CD1D: variants seen among roughly 807,000 people sequenced by gnomAD.
The protein encoded by CD1D is antigen-presenting glycoprotein CD1d.
In CD1D, 40 loss-of-function variants were observed where a neutral mutation model predicts 42.1. That is an observed-to-expected ratio of 0.95 (90% confidence interval 0.74 to 1.24). The LOEUF is 1.24. CD1D is among the 50% of genes most tolerant of loss of function. The pLI, the probability that CD1D is intolerant of heterozygous loss-of-function variation, is 0.00. For synonymous variants in CD1D, 178 were observed against 171.8 expected (o/e 1.04, Z -0.28); for missense variants, 437 against 416.5 (o/e 1.05, Z -0.43).
Position 158,184,048 on chromosome 1 carries a change from T to A in CD1D, c.986+13T>A. 6.2e-7 allele frequency: 1 copy of A among 1,613,748 alleles called. No individual in the cohort carries two copies. On this transcript the variant is annotated intron_variant, in intron 5 of 5. Transcript: ENST00000674085. ...TTAAGAGGCAAACGTAAGTCTCCCCTTTCCCTTTCCTCAACCTCTCTCCCC... is the reference window on the plus strand; with the variant it reads ...TTAAGAGGCAAACGTAAGTCTCCCCATTCCCTTTCCTCAACCTCTCTCCCC...
In CD1D at chr1:158,182,063, T is replaced by C; in HGVS notation, c.360T>C (p.Cys120=). The change falls in exon 3 of 6, where the codon TGT becomes TGC. Residue 120 remains cysteine (C), a synonymous_variant. Coordinates refer to ENST00000674085, the MANE Select transcript of CD1D (RefSeq NM_001371762.2). ...YPLELQVSAG[C]EVHPGNASNN... is the part of the protein sequence containing the mutation. ...TGGAGCTCCAGGTGTCCGCTGGCTGTGAGGTGCACCCTGGGAACGCCTCAA... is the reference window on the plus strand; with the variant it reads ...TGGAGCTCCAGGTGTCCGCTGGCTGCGAGGTGCACCCTGGGAACGCCTCAA... The C allele has an allele frequency of 6.2e-7, 1 of 1,612,536 alleles. No individual in the cohort carries two copies. The highest frequency in any genetic ancestry group is 1.3e-5 in the African/African-American group (1 of 74,992).
upstream of CD1D, among the ~76,000 whole-genome samples, chr1:158,180,518 T>C: frequency 6.6e-6 from 1 of 152,214 alleles, no homozygotes. Context: ...GCCAACCTAA[T>C]CCAGTTCTCT....
intron 3 of CD1D, chr1:158,182,521 G>T: frequency 1.6e-6 from 1 of 622,794 alleles, no homozygotes; most frequent in Non-Finnish European, 2.8e-6. Context: ...GGGGTGAAAG[G>T]TGTCAGGCAG....
Position 158,182,889 on chromosome 1 carries a change from G to T in CD1D, c.619G>T (p.Ala207Ser), listed in dbSNP as rs756299315. 1 of 1,608,326 alleles carries T rather than the reference G, an allele frequency of 6.2e-7. No individual in the cohort carries two copies. Among genetic ancestry groups the T allele is most frequent in the South Asian group, 1.1e-5 (1 of 90,146 alleles). Residue 207 changes from alanine (A) to serine (S), a missense_variant, in exon 4 of 6, where the codon GCC becomes TCC. By Grantham distance (99) the Ala-to-Ser change is moderately conservative. Transcript: ENST00000674085. ...SELKKQVKPK[A>S]WLSRGPSPGP... ...CTTGTTGGATACAGTGAAGCCCAAG[G>T]CCTGGCTGTCCCGTGGCCCCAGTCC...
chr1:158,180,846 C>A (rs1648356273), upstream of CD1D: 4 of 423,462 alleles, frequency 9.4e-6, no homozygotes, highest in Non-Finnish European at 1.7e-5. Flanking sequence ...GTTGTGAAAC[C>A]TACTGAAGTG....
chr1:158,183,533 G>A (rs548572544), intron 4 of CD1D, among the ~76,000 whole-genome samples: 2 of 152,294 alleles, frequency 1.3e-5, no homozygotes, highest in East Asian at 3.9e-4. Context: ...AGGGGCCAAT[G>A]AATCTGCATA....
chr1:158,179,269 G>A (rs1648287046), upstream of CD1D, among the ~76,000 whole-genome samples: 1 of 151,966 alleles, frequency 6.6e-6, no homozygotes, highest in Non-Finnish European at 1.5e-5. Context: ...CACCTTATTT[G>A]TTACAAGAAC....
rs1338597965 is a variant in CD1D at position 158,182,045 on chromosome 1, C to T, written c.342C>T (p.Leu114=). The T allele has an allele frequency of 1.9e-6, 3 of 1,608,458 alleles. No individual in the cohort carries two copies. Among genetic ancestry groups the T allele is most frequent in the South Asian group, 2.2e-5 (2 of 90,490 alleles). ...TCCTCTCCACAGATCCCTTGGAGCT[C>T]CAGGTGTCCGCTGGCTGTGAGGTGC... is the stretch of plus-strand genomic sequence containing the variant. The part of the protein sequence containing the change: ...KMLRLSYPLE[L]QVSAGCEVHP... Residue 114 remains leucine (L), a synonymous_variant, in exon 3 of 6, where the codon CTC becomes CTT. Coordinates refer to ENST00000674085, the MANE Select transcript of CD1D (RefSeq NM_001371762.2).
At position 158,182,036 on chromosome 1, in the gene CD1D, C is replaced by G; in HGVS notation, c.333C>G (p.Pro111=). 1 of 1,605,294 alleles carries G rather than the reference C, an allele frequency of 6.2e-7. No homozygotes were observed. The highest frequency in any genetic ancestry group is 1.1e-5 in the South Asian group (1 of 89,974). ...TTTCTCCATTCCTCTCCACAGATCCCTTGGAGCTCCAGGTGTCCGCTGGCT... is the reference window on the plus strand; with the variant it reads ...TTTCTCCATTCCTCTCCACAGATCCGTTGGAGCTCCAGGTGTCCGCTGGCT... ...EFAKMLRLSY[P]LELQVSAGCE... Residue 111 remains proline (P), a synonymous_variant, in exon 3 of 6, where the codon CCC becomes CCG. Transcript: ENST00000674085.
chr1:158,181,866 A>C (rs1648444429), intron 2 of CD1D, 145 bp downstream of exon 2: 1 of 1,358,478 alleles, frequency 7.4e-7, no homozygotes, highest in Admixed American at 2.0e-5. Context: ...GAGATGTCCC[A>C]GGCTTTGACT....
intron 3 of CD1D, 122 bp from the exon 4 acceptor site, chr1:158,182,756 T>TCA: frequency 8.6e-7 from 1 of 1,164,956 alleles, no homozygotes; most frequent in Non-Finnish European, 1.2e-6. Flanking sequence ...AGTGAACATG[T>TCA]CAGGGGCATA....
chr1:158,183,822 G>A (rs1023750423), intron 4 of CD1D, 114 bp from the exon 5 acceptor site: 6 of 801,970 alleles, frequency 7.5e-6, no homozygotes, highest in Non-Finnish European at 1.3e-5. Context: ...GGGGTTTTAA[G>A]TGGAGGAGGA....
chr1:158,180,969 C>T lies in CD1D; in HGVS notation c.-133C>T. ...CCGCCGGCAAGCCCAGCGAGGAGGG[C>T]TGCCGGGGTCTGGGCTTGGGAATTG... On this transcript the variant is annotated 5_prime_UTR_variant, in exon 1 of 6. Transcript: ENST00000674085. 1 of 765,324 alleles carries T rather than the reference C, an allele frequency of 1.3e-6. No individual in the cohort carries two copies. Among genetic ancestry groups the T allele is most frequent in the Non-Finnish European group, 1.9e-6 (1 of 517,710 alleles). The allele number at this position is 765,324 out of a possible 1,614,324, so 47.4% of individuals were successfully genotyped here.
rs1412947803 is a variant in CD1D at position 158,181,529 on chromosome 1, G to T, written c.136G>T (p.Gly46Cys). The T allele has an allele frequency of 2.5e-6, 4 of 1,614,150 alleles. No homozygotes were observed. The highest frequency in any genetic ancestry group is 3.4e-6 in the Non-Finnish European group (4 of 1,180,040). Reference sequence around the variant, plus strand: ...CAATAGCAGCTGGACGCGCACCGACGGCTTGGCGTGGCTGGGGGAGCTGCA... The same window carrying T: ...CAATAGCAGCTGGACGCGCACCGACTGCTTGGCGTGGCTGGGGGAGCTGCA... ...FANSSWTRTDGLAWLGELQTH... is the reference protein window; with the variant it reads ...FANSSWTRTDCLAWLGELQTH... Residue 46 changes from glycine to cysteine, a missense_variant, in exon 2 of 6, where the codon GGC (glycine) becomes TGC (cysteine). By Grantham distance (159) the Gly-to-Cys change is radical. Transcript: ENST00000674085.
At chr1:158,178,453 C>T (rs1435393575), upstream of CD1D, among the ~76,000 whole-genome samples, 2 of 152,146 alleles carry the variant, frequency 1.3e-5, no homozygotes, top group Non-Finnish European at 2.9e-5. Context: ...AAATGGTCTC[C>T]TTATGGTTAG....
chr1:158,182,580 T>C, intron 3 of CD1D: 1 of 598,036 alleles, frequency 1.7e-6, no homozygotes, highest in Non-Finnish European at 3.0e-6. Context: ...ATGCAATGCT[T>C]GAAATAGGCT....
In CD1D at chr1:158,184,266, A is replaced by C; in HGVS notation, c.*116A>C. ...ATGTAAGGAATTGAAGATAGGAGAG[A>C]TACCTTGAAAAAGTAGAGAACAGTC... is the stretch of plus-strand genomic sequence containing the variant. On this transcript the variant is annotated 3_prime_UTR_variant, in exon 6 of 6. Coordinates refer to ENST00000674085, the MANE Select transcript of CD1D (RefSeq NM_001371762.2). 1.9e-6 allele frequency: 2 copies of C among 1,040,292 alleles called. No individual in the cohort carries two copies. The highest frequency in any genetic ancestry group is 2.9e-6 in the Non-Finnish European group (2 of 685,910). The allele number at this position is 1,040,292 out of a possible 1,614,324, so 64.4% of individuals were successfully genotyped here. A position where few individuals can be genotyped will look rare whatever the true frequency, so the allele number is the denominator to read the frequency against.
At chr1:158,178,064 G>A (rs1423436919), upstream of CD1D, among the ~76,000 whole-genome samples, 3 of 152,320 alleles carry the variant, frequency 2.0e-5, no homozygotes, top group South Asian at 2.1e-4. Flanking sequence ...CTGGACGTCC[G>A]AGAGGTAAGA....
Position 158,182,105 on chromosome 1 carries a change from A to T in CD1D, c.402A>T (p.Val134=). The T allele has an allele frequency of 6.2e-7, 1 of 1,614,122 alleles. No individual in the cohort carries two copies. Among genetic ancestry groups the T allele is most frequent in the African/African-American group, 1.3e-5 (1 of 75,046 alleles). Reference sequence around the variant, plus strand: ...ACGCCTCAAATAACTTCTTCCATGTAGCATTTCAAGGAAAAGATATCCTGA... The same window carrying T: ...ACGCCTCAAATAACTTCTTCCATGTTGCATTTCAAGGAAAAGATATCCTGA... ...PGNASNNFFH[V]AFQGKDILSF... The change falls in exon 3 of 6, where the codon GTA becomes GTT. Residue 134 remains valine, a synonymous_variant. Coordinates refer to ENST00000674085, the MANE Select transcript of CD1D (RefSeq NM_001371762.2).
Sources: allele counts gnomAD v4.1 joint callset (sites outside exome capture counted in the v4.1 genomes callset), GRCh38; gene constraint gnomAD v4.1.1; transcripts MANE v1.5; gene names NCBI Gene and HGNC (gene_info 2026-07-23, HGNC 2026-07-21).